The following UBE3A variants were observed in gnomAD, a reference collection of about 807,000 sequenced individuals.
UBE3A encodes the protein ubiquitin protein ligase E3A.
A neutral mutation model predicts 83.4 loss-of-function variants in UBE3A; 6 were observed. The observed-to-expected ratio is 0.07, with a 90% CI of 0.04 to 0.14. The LOEUF is 0.14. UBE3A is among the 10% of genes least tolerant of loss of function. UBE3A has a pLI of 1.00. For synonymous variants in UBE3A, 337 were observed against 355.4 expected (o/e 0.95, Z 0.58); for missense variants, 456 against 1,036.1 (o/e 0.44, Z 7.69).
chr15:25,365,079 A>AGTG (rs2078861852), intron 6 of UBE3A, among the ~76,000 whole-genome samples: 1 of 152,192 alleles, frequency 6.6e-6, no homozygotes, highest in Admixed American at 6.5e-5. Context: ...TTCACTGCGT[A>AGTG]ACTTCCTCTT....
chr15:25,392,637 G>A (rs1317394389), intron 4 of UBE3A, among the ~76,000 whole-genome samples: 1 of 152,126 alleles, frequency 6.6e-6, no homozygotes, highest in Non-Finnish European at 1.5e-5. Flanking sequence ...AGGCAACTTA[G>A]GAGAGGTGAA....
chr15:25,349,987 T>C (rs2076257760), intron 11 of UBE3A, among the ~76,000 whole-genome samples: 3 of 152,184 alleles, frequency 2.0e-5, no homozygotes, highest in Non-Finnish European at 4.4e-5. Context: ...AGTTGTTGGC[T>C]GGGTGCAGTG....
chr15:25,414,014 T>C (rs2090449906), intron 1 of UBE3A, among the ~76,000 whole-genome samples: 1 of 152,312 alleles, frequency 6.6e-6, no homozygotes, highest in South Asian at 2.1e-4. Flanking sequence ...TCCATTCCCA[T>C]AGCACCTCTA....
At chr15:25,426,576 C>T (rs2153169072) in intron 1 of UBE3A, among the ~76,000 whole-genome samples, 1 of 152,256 alleles carries the variant, frequency 6.6e-6, no homozygotes, top group Non-Finnish European at 1.5e-5. Context: ...ATTCACCTGC[C>T]TATCAAATAA....
intron 1 of UBE3A, among the ~76,000 whole-genome samples, chr15:25,422,382 T>C (rs1452997056): frequency 4.6e-5 from 7 of 152,172 alleles, no homozygotes; most frequent in African/African-American, 1.2e-4. Flanking sequence ...TAAAACTATA[T>C]AGTTAAAATG....
intron 4 of UBE3A, among the ~76,000 whole-genome samples, chr15:25,390,021 A>G (rs2083977665): frequency 6.6e-6 from 1 of 152,202 alleles, no homozygotes; most frequent in South Asian, 2.1e-4. Flanking sequence ...AGATATACAG[A>G]TGGCAATTCA....
intron 4 of UBE3A, among the ~76,000 whole-genome samples, chr15:25,400,971 C>T (rs945981224): frequency 6.6e-6 from 1 of 152,120 alleles, no homozygotes; most frequent in African/African-American, 2.4e-5. Context: ...GAGGTACATT[C>T]CTTCTATACT....
In UBE3A at chr15:25,336,502, GAGTA is replaced by G. The variant is rs1345073152; in HGVS notation, c.*2631_*2634del. 2 of 152,178 alleles carry G rather than the reference GAGTA, an allele frequency of 1.3e-5. No homozygotes were observed. The highest frequency in any genetic ancestry group is 2.9e-5 in the Non-Finnish European group (2 of 68,028). The allele number at this position is 152,178 out of a possible 1,614,324, so 9.4% of individuals were successfully genotyped here. On this transcript the variant is annotated 3_prime_UTR_variant, in exon 13 of 13. Coordinates refer to ENST00000648336, the MANE Select transcript of UBE3A (RefSeq NM_130839.5). Reference sequence around the variant, plus strand: ...CAGAATGTCTGTACCGAGGAGGGATGAGTAACATCGGCAAGTTCTGTTCGAAGCC... The same window carrying G: ...CAGAATGTCTGTACCGAGGAGGGATGACATCGGCAAGTTCTGTTCGAAGCC...
intron 3 of UBE3A, chr15:25,407,297 C>T: frequency 9.7e-7 from 1 of 1,033,534 alleles, no homozygotes; most frequent in South Asian, 2.9e-5. Flanking sequence ...AGTTTTCAAA[C>T]ACGTAGGCAG....
chr15:25,436,381 T>C (rs141684940), intron 1 of UBE3A, among the ~76,000 whole-genome samples: 14 of 152,304 alleles, frequency 9.2e-5, no homozygotes, highest in South Asian at 4.1e-4. Flanking sequence ...ATGTGTAACA[T>C]GATTGGAGAA....
chr15:25,421,830 A>C (rs1889903539), intron 1 of UBE3A: 2 of 152,182 alleles, frequency 1.3e-5, no homozygotes, highest in Admixed American at 6.5e-5. Flanking sequence ...CATTTGGAGA[A>C]CTGGAACTCT....
chr15:25,373,264 T>G (rs1291516974), intron 5 of UBE3A, among the ~76,000 whole-genome samples: 3 of 152,174 alleles, frequency 2.0e-5, no homozygotes. Flanking sequence ...AAAATACTAC[T>G]ATCCTATTAG....
intron 4 of UBE3A, among the ~76,000 whole-genome samples, chr15:25,398,002 A>G (rs1050781636): frequency 4.6e-5 from 7 of 151,984 alleles, no homozygotes; most frequent in South Asian, 2.1e-4. Context: ...ACTCATACTC[A>G]TATCTCCTTT....
chr15:25,367,824 A>G (rs1347639402), intron 6 of UBE3A, among the ~76,000 whole-genome samples: 1 of 152,118 alleles, frequency 6.6e-6, no homozygotes. Flanking sequence ...AAAGCAATGA[A>G]TATATTTTTC....
intron 6 of UBE3A, among the ~76,000 whole-genome samples, chr15:25,367,826 A>G (rs892503994): frequency 6.6e-5 from 10 of 152,218 alleles, no homozygotes; most frequent in African/African-American, 1.4e-4. Flanking sequence ...AGCAATGAAT[A>G]TATTTTTCTT....
chr15:25,341,896 T>C (rs1440154878), intron 11 of UBE3A, among the ~76,000 whole-genome samples: 1 of 152,140 alleles, frequency 6.6e-6, no homozygotes, highest in Non-Finnish European at 1.5e-5. Flanking sequence ...ATACTATTTT[T>C]ATTACCAAAA....
intron 4 of UBE3A, among the ~76,000 whole-genome samples, chr15:25,399,211 T>A (rs1455510987): frequency 6.6e-6 from 1 of 152,110 alleles, no homozygotes; most frequent in Non-Finnish European, 1.5e-5. Flanking sequence ...TTTGATGTGA[T>A]CTCATTCATC....
chr15:25,366,852 A>G (rs984098688), intron 6 of UBE3A, among the ~76,000 whole-genome samples: 1 of 152,146 alleles, frequency 6.6e-6, no homozygotes, highest in African/African-American at 2.4e-5. Flanking sequence ...CTTTATCAAA[A>G]TATTTGTGGA....
chr15:25,369,598 A>C (rs2079963129), intron 6 of UBE3A, among the ~76,000 whole-genome samples: 1 of 152,122 alleles, frequency 6.6e-6, no homozygotes, highest in South Asian at 2.1e-4. Flanking sequence ...TAACTACCTT[A>C]ATTTTTGTTG....
Sources: gnomAD v4.1 joint callset for allele counts (sites outside exome capture counted in the v4.1 genomes callset) on GRCh38, gnomAD v4.1.1 for gene constraint, MANE v1.5 for transcripts, NCBI Gene and HGNC (gene_info 2026-07-23, HGNC 2026-07-21) for gene names.